The following SH3TC1 variants were observed in gnomAD, a reference collection of about 807,000 sequenced individuals.
SH3TC1 encodes SH3 domain and tetratricopeptide repeats 1.
A neutral mutation model predicts 117.3 loss-of-function variants in SH3TC1; 135 were observed. That is an observed-to-expected ratio of 1.15 (90% confidence interval 1.00 to 1.33). The LOEUF (loss-of-function observed/expected upper bound fraction) is 1.33, where lower values mean the gene tolerates loss of function less well. Among genes scored for constraint, SH3TC1 ranks in the 40% most tolerant of loss-of-function variants. The pLI, the probability that SH3TC1 is intolerant of heterozygous loss-of-function variation, is 0.00. For synonymous variants in SH3TC1, 898 were observed against 816.9 expected (o/e 1.10, Z -1.69); for missense variants, 2,092 against 1,794.3 (o/e 1.17, Z -3.00).
At position 8,217,148 on chromosome 4, in the gene SH3TC1, C is replaced by A. The variant is rs538280267; in HGVS notation, c.820C>A (p.Pro274Thr). 6.2e-7 allele frequency: 1 copy of A among 1,609,926 alleles called. No homozygotes were observed. The highest frequency in any genetic ancestry group is 2.2e-5 in the East Asian group (1 of 44,700). ...GGTGGCAGTGGCGGCCGCCCCGGAG[C>A]CTTTGATTCCATTTCATCAGTAGGT... is the stretch of plus-strand genomic sequence containing the variant. The part of the protein sequence containing the change: ...EEVAVAAAPE[P>T]LIPFHQWALR... The change falls in exon 7 of 18, where the codon CCT becomes ACT. Residue 274 changes from proline (P) to threonine (T), a missense_variant. Transcript: ENST00000245105.
chr4:8,237,463 C>CTGCA lies in SH3TC1; in HGVS notation c.3557-10_3557-7dup. Reference sequence around the variant, plus strand: ...ACGTCCTCACACCTGCCCCCTTGGCCTGCACCCCAGGGGACCGGCTGAACG... The same window carrying CTGCA: ...ACGTCCTCACACCTGCCCCCTTGGCCTGCATGCACCCCAGGGGACCGGCTGAACG... On this transcript the variant is annotated splice_polypyrimidine_tract_variant and intron_variant, in intron 16 of 17. Coordinates refer to ENST00000245105, the MANE Select transcript of SH3TC1 (RefSeq NM_018986.5). 1 of 1,538,324 alleles carries CTGCA rather than the reference C, an allele frequency of 6.5e-7. No homozygotes were observed. Among genetic ancestry groups the CTGCA allele is most frequent in the South Asian group, 1.2e-5 (1 of 81,140 alleles).
At chr4:8,208,317 C>T (rs538545179) in intron 2 of SH3TC1, among the ~76,000 whole-genome samples, 3 of 152,034 alleles carry the variant, frequency 2.0e-5, no homozygotes, top group South Asian at 2.1e-4. Flanking sequence ...CATCGGCCAA[C>T]GGAGTCAAGA....
Position 8,206,693 on chromosome 4 carries a change from C to T in SH3TC1, c.172+1327C>T, listed in dbSNP as rs1367484662. ...GGCTTGGGGTGGGGCTCCTCATCAG[C>T]TCCTTCACCTCCTCGTCTTCTCTGG... On this transcript the variant is annotated intron_variant, in intron 2 of 17. Transcript: ENST00000245105. This position sits in a 1 kb window ranked among gnomAD's most constrained non-coding sequence, Gnocchi z 5.5. Among the ~76,000 whole-genome samples the T allele has an allele frequency of 6.6e-6, 1 of 152,226 alleles. No individual in the cohort carries two copies. Among genetic ancestry groups the T allele is most frequent in the Non-Finnish European group, 1.5e-5 (1 of 68,034 alleles).
rs762074968 is a variant in SH3TC1 at position 8,205,557 on chromosome 4, T to A, written c.172+191T>A. 3 of 862,202 alleles carry A rather than the reference T, an allele frequency of 3.5e-6. No homozygotes were observed. In the Admixed American group the frequency reaches 5.1e-5, roughly 15 times the overall value. The allele number at this position is 862,202 out of a possible 1,614,324, so 53.4% of individuals were successfully genotyped here. On this transcript the variant is annotated intron_variant, in intron 2 of 17. Transcript: ENST00000245105. The surrounding 1 kb of genome is among the most constrained non-coding windows in gnomAD (Gnocchi z 5.4). ...AACAGGAGCCACTGTGCCCGCTGAG[T>A]CACTTGAGAGGCCAGGGCCCAGCTC...
Position 8,205,008 on chromosome 4 carries a change from C to T in SH3TC1, c.-28-159C>T. ...AGCAGCGGTGCGGGATCACGCCCAC[C>T]ACAACACGGTGCACGGTGCGGTGAG... On this transcript the variant is annotated intron_variant, in intron 1 of 17. Coordinates refer to ENST00000245105, the MANE Select transcript of SH3TC1 (RefSeq NM_018986.5). The surrounding 1 kb of genome is among the most constrained non-coding windows in gnomAD (Gnocchi z 5.4). 1 of 513,782 alleles carries T rather than the reference C, an allele frequency of 1.9e-6. No individual in the cohort carries two copies. The highest frequency in any genetic ancestry group is 3.2e-6 in the Non-Finnish European group (1 of 308,554). 31.8% of individuals were successfully genotyped at this position (513,782 alleles called of 1,614,324 possible).
chr4:8,221,915 T>G (rs1719954461), intron 9 of SH3TC1, among the ~76,000 whole-genome samples: 1 of 151,208 alleles, frequency 6.6e-6, no homozygotes, highest in Non-Finnish European at 1.5e-5. Context: ...AGGCCTGTTA[T>G]TTTGTAGAAT....
chr4:8,221,131 A>G (rs769045239), intron 9 of SH3TC1, among the ~76,000 whole-genome samples: 1 of 152,122 alleles, frequency 6.6e-6, no homozygotes, highest in Non-Finnish European at 1.5e-5. Flanking sequence ...TCCATGGGAC[A>G]CTCTTTGGGG....
intron 1 of SH3TC1, among the ~76,000 whole-genome samples, chr4:8,191,280 C>T (rs955653918): frequency 3.3e-5 from 5 of 152,148 alleles, no homozygotes; most frequent in South Asian, 2.1e-4. Flanking sequence ...ACGCCTGCCC[C>T]GACAAATCAG....
In SH3TC1 at chr4:8,190,464, G is replaced by T. The variant is rs542818860; in HGVS notation, c.-57+8254G>T. Among the ~76,000 whole-genome samples the T allele has an allele frequency of 3.9e-5, 6 of 152,220 alleles. No homozygotes were observed. The highest frequency in any genetic ancestry group is 4.4e-5 in the Non-Finnish European group (3 of 67,994). Reference sequence around the variant, plus strand: ...CGGGCCTATGGGATTGGAGGTCCTGGGGGGACTCATCTGTAAGCTGGGATC... The same window carrying T: ...CGGGCCTATGGGATTGGAGGTCCTGTGGGGACTCATCTGTAAGCTGGGATC... On this transcript the variant is annotated intron_variant, in intron 1 of 16. Transcript: ENST00000508641. The surrounding 1 kb of genome is among the most constrained non-coding windows in gnomAD (Gnocchi z 4.7).
intron 12 of SH3TC1, chr4:8,231,618 G>A (rs116201926): frequency 0.062 from 15,760 of 256,242 alleles, 694 homozygotes; most frequent in Non-Finnish European, 0.084. Context: ...ATTTGGTTTT[G>A]CTCCCCCAGG....
chr4:8,235,417 T>G lies in SH3TC1; in HGVS notation c.3283-16T>G, dbSNP rs1399889596. 6.8e-7 allele frequency: 1 copy of G among 1,479,866 alleles called. No homozygotes were observed. The highest frequency in any genetic ancestry group is 9.0e-7 in the Non-Finnish European group (1 of 1,107,208). 91.7% of individuals were successfully genotyped at this position (1,479,866 alleles called of 1,614,324 possible). A position where few individuals can be genotyped will look rare whatever the true frequency, so the allele number is the denominator to read the frequency against. ...CACCAGGTGTGGGTCTTGAGGGAAC[T>G]TCTGCCTCCTTTCAGGTGGCACAGA... On this transcript the variant is annotated splice_polypyrimidine_tract_variant and intron_variant, in intron 14 of 17. Coordinates refer to ENST00000245105, the MANE Select transcript of SH3TC1 (RefSeq NM_018986.5).
At chr4:8,196,214 C>T (rs58829078), upstream of SH3TC1, among the ~76,000 whole-genome samples, 23,540 of 152,198 alleles carry the variant, frequency 0.15, 2,278 homozygotes, top group African/African-American at 0.25. The surrounding 1 kb of genome is among the most constrained non-coding windows in gnomAD (Gnocchi z 4.6). Flanking sequence ...CCACAGATCT[C>T]ACGTCCCCAC....
intron 12 of SH3TC1, among the ~76,000 whole-genome samples, chr4:8,230,776 T>C (rs1232788390): frequency 4.6e-5 from 6 of 129,120 alleles, no homozygotes; most frequent in African/African-American, 1.4e-4. Flanking sequence ...ATTTTTGATA[T>C]GCTGTGCTTT....
rs1578676388 is a variant in SH3TC1, at chr4:8,213,083, A to G, written c.375+255A>G. ...ACAGCCCCAGCAACAGGGGACCTCG[A>G]GCTGTCCCTTTCTCCACCTGCCCTC... On this transcript the variant is annotated intron_variant, in intron 4 of 17. Coordinates refer to ENST00000245105, the MANE Select transcript of SH3TC1 (RefSeq NM_018986.5). 3 of 510,264 alleles carry G rather than the reference A, an allele frequency of 5.9e-6. No individual in the cohort carries two copies. The East Asian group carries it at 1.1e-4, about 18-fold the overall frequency. The allele number at this position is 510,264 out of a possible 1,614,324, so 31.6% of individuals were successfully genotyped here. A position where few individuals can be genotyped will look rare whatever the true frequency, so the allele number is the denominator to read the frequency against.
Position 8,205,089 on chromosome 4 carries a change from G to A in SH3TC1, c.-28-78G>A, listed in dbSNP as rs1208415974. ...TCAGCAACGCTGGTGTTCTCTTTCT[G>A]GACCCCAGGCCTGGACACAACCTCC... is the stretch of plus-strand genomic sequence containing the variant. On this transcript the variant is annotated intron_variant, in intron 1 of 17. Transcript: ENST00000245105. This position sits in a 1 kb window ranked among gnomAD's most constrained non-coding sequence, Gnocchi z 5.4. 11 of 1,230,416 alleles carry A rather than the reference G, an allele frequency of 8.9e-6. No homozygotes were observed. Among genetic ancestry groups the A allele is most frequent in the Non-Finnish European group, 1.2e-5 (11 of 913,542 alleles). 76.2% of individuals were successfully genotyped at this position (1,230,416 alleles called of 1,614,324 possible). A position where few individuals can be genotyped will look rare whatever the true frequency, so the allele number is the denominator to read the frequency against.
At chr4:8,239,915 G>C (rs967189095) in intron 17 of SH3TC1, among the ~76,000 whole-genome samples, 4 of 152,216 alleles carry the variant, frequency 2.6e-5, no homozygotes, top group African/African-American at 7.2e-5. Context: ...GATGTGACTC[G>C]GGCCCTTCTC....
chr4:8,224,154 C>T (rs564174494), intron 10 of SH3TC1, among the ~76,000 whole-genome samples: 156 of 152,346 alleles, frequency 1.0e-3, no homozygotes, highest in Non-Finnish European at 1.8e-3. Context: ...TACACGCACA[C>T]GTACATACAT....
At position 8,228,039 on chromosome 4, in the gene SH3TC1, A is replaced by G. The variant is rs1437044114; in HGVS notation, c.2345A>G (p.Gln782Arg). 1 of 1,607,636 alleles carries G rather than the reference A, an allele frequency of 6.2e-7. No individual in the cohort carries two copies. The highest frequency in any genetic ancestry group is 1.7e-5 in the Admixed American group (1 of 59,796). ...GCCTCCCTGACCCCGGGCACAGGCC[A>G]GGCGCTGCGCGGCCCCCTCTACACC... Reference protein sequence around the residue: ...ALASLTPGTGQALRGPLYTSL... With the variant: ...ALASLTPGTGRALRGPLYTSL... The change falls in exon 12 of 18, where the codon CAG becomes CGG. Residue 782 changes from glutamine to arginine, a missense_variant. Transcript: ENST00000245105.
chr4:8,199,013 C>T (rs1039522119), upstream of SH3TC1, among the ~76,000 whole-genome samples: 1 of 152,228 alleles, frequency 6.6e-6, no homozygotes. Flanking sequence ...CTGAGGCAGC[C>T]GGTGGCTGGT....
Sources: allele counts gnomAD v4.1 joint callset (sites outside exome capture counted in the v4.1 genomes callset), GRCh38; gene constraint gnomAD v4.1.1; non-coding constraint Gnocchi (gnomAD v3.1); transcripts MANE v1.5; gene names NCBI Gene and HGNC (gene_info 2026-07-23, HGNC 2026-07-21).